The following RFX7 variants were observed in gnomAD, a reference collection of about 807,000 sequenced individuals.
RFX7 encodes the protein DNA-binding protein RFX7.
A neutral mutation model predicts 111.8 loss-of-function variants in RFX7; 26 were observed. The observed-to-expected ratio is 0.23, with a 90% confidence interval of 0.17 to 0.32. The LOEUF is 0.32. Among genes scored for constraint, RFX7 ranks in the 10% least tolerant of loss-of-function variants. RFX7 has a pLI of 1.00. For missense variants in RFX7, 1,573 were observed against 1,772.9 expected, an observed-to-expected ratio of 0.89 and a Z score of 2.02; for synonymous variants, 624 against 624.4, an observed-to-expected ratio of 1.00 and a Z score of 0.01.
At chr15:56,172,636 A>G (rs2042857696) in intron 3 of RFX7, among the ~76,000 whole-genome samples, 1 of 152,202 alleles carries the variant, frequency 6.6e-6, no homozygotes, top group African/African-American at 2.4e-5. Context: ...CAAGAAATGT[A>G]TTAATTTGGT....
chr15:56,217,753 A>G (rs530771368), intron 2 of RFX7, among the ~76,000 whole-genome samples: 1 of 152,306 alleles, frequency 6.6e-6, no homozygotes, highest in South Asian at 2.1e-4. Context: ...CACAGTTTTA[A>G]TGATATGCAT....
At chr15:56,220,231 A>G (rs1041114134) in intron 2 of RFX7, among the ~76,000 whole-genome samples, 6 of 151,696 alleles carry the variant, frequency 4.0e-5, no homozygotes, top group African/African-American at 1.5e-4. Flanking sequence ...ATTTTATTTC[A>G]TTTTATTTAT....
At chr15:56,118,382 G>T (rs1333331710) in intron 5 of RFX7, among the ~76,000 whole-genome samples, 1 of 151,806 alleles carries the variant, frequency 6.6e-6, no homozygotes, top group Non-Finnish European at 1.5e-5. Context: ...TCATCCTACT[G>T]TATCTCCATG....
At chr15:56,124,440 C>T (rs2042116954) in intron 5 of RFX7, among the ~76,000 whole-genome samples, 2 of 150,624 alleles carry the variant, frequency 1.3e-5, no homozygotes, top group Admixed American at 1.3e-4. Flanking sequence ...AAAAAAAAAT[C>T]CATACTGTTC....
At chr15:56,139,348 CG>C (rs2042353709) in intron 5 of RFX7, among the ~76,000 whole-genome samples, 2 of 152,128 alleles carry the variant, frequency 1.3e-5, no homozygotes, top group African/African-American at 2.4e-5. Flanking sequence ...ATTCCCTTCT[CG>C]CTTCATTTCA....
chr15:56,103,402 A>T (rs1183034161), intron 6 of RFX7, 152 bp downstream of exon 6: 1 of 567,830 alleles, frequency 1.8e-6, no homozygotes, highest in Non-Finnish European at 3.2e-6. Flanking sequence ...TACCTGTGAA[A>T]GTTACATTTG....
At chr15:56,132,027 C>T (rs572162837) in intron 5 of RFX7, among the ~76,000 whole-genome samples, 19 of 150,940 alleles carry the variant, frequency 1.3e-4, no homozygotes, top group African/African-American at 2.4e-4. Context: ...TAGAAATTAC[C>T]GAGGATTATG....
chr15:56,146,080 T>C lies in RFX7; in HGVS notation c.196-1597A>G, dbSNP rs535189237. ...TCACCCCACTTTAATGTCTTAAATA[T>C]GGTTCCTGAAATTTTTTTTTGTCAA... is the stretch of plus-strand genomic sequence containing the variant. On this transcript the variant is annotated intron_variant, in intron 3 of 9. Coordinates refer to ENST00000559447, the MANE Select transcript of RFX7 (RefSeq NM_022841.7). Among the ~76,000 whole-genome samples the C allele has an allele frequency of 2.6e-5, 4 of 152,244 alleles. No homozygotes were observed. In the East Asian group the frequency reaches 7.7e-4, roughly 29 times the overall value.
intron 3 of RFX7, among the ~76,000 whole-genome samples, chr15:56,150,725 C>CT (rs1440843459): frequency 2.0e-5 from 3 of 152,190 alleles, no homozygotes. Flanking sequence ...GTTTGAAGAA[C>CT]TGACAAAAGT....
chr15:56,090,376 T>G lies in RFX7; in HGVS notation c.*2969A>C, dbSNP rs2041581943. The G allele has an allele frequency of 6.6e-6, 1 of 152,236 alleles. No homozygotes were observed. The highest frequency in any genetic ancestry group is 1.5e-5 in the Non-Finnish European group (1 of 68,010). 9.4% of individuals were successfully genotyped at this position (152,236 alleles called of 1,614,324 possible). A position where few individuals can be genotyped will look rare whatever the true frequency, so the allele number is the denominator to read the frequency against. On this transcript the variant is annotated 3_prime_UTR_variant, in exon 10 of 10. Coordinates refer to ENST00000559447, the MANE Select transcript of RFX7 (RefSeq NM_022841.7). ...ACTAAGATCTGTGTATTCTTCTGGA[T>G]TAATAGCACACAGCAGATCAGCAGC... is the stretch of plus-strand genomic sequence containing the variant.
chr15:56,179,092 G>A (rs1413205418), intron 3 of RFX7, 178 bp downstream of exon 3: 3 of 233,102 alleles, frequency 1.3e-5, no homozygotes, highest in African/African-American at 4.8e-5. Context: ...ATGAGATACA[G>A]GTAAGTATCT....
Position 56,181,870 on chromosome 15 carries a change from G to A in RFX7, c.162-2567C>T, listed in dbSNP as rs542842760. Among the ~76,000 whole-genome samples, 25 of 152,230 alleles carry A rather than the reference G, an allele frequency of 1.6e-4. No homozygotes were observed. The East Asian group carries it at 2.9e-3, about 18-fold the overall frequency. ...CTGTTAGGAACGGGGCCACACAGCA[G>A]GAGGTGAGCAACCAAGCGCATTACT... On this transcript the variant is annotated intron_variant, in intron 2 of 9. Coordinates refer to ENST00000559447, the MANE Select transcript of RFX7 (RefSeq NM_022841.7).
At chr15:56,189,455 T>TAA (rs368339215) in intron 2 of RFX7, among the ~76,000 whole-genome samples, 3 of 144,608 alleles carry the variant, frequency 2.1e-5, no homozygotes, top group Admixed American at 1.4e-4. Context: ...ATTAAGACAG[T>TAA]AAAAAAAAAA....
chr15:56,093,964 C>G lies in RFX7; in HGVS notation c.3764G>C (p.Ser1255Thr). The G allele has an allele frequency of 6.2e-7, 1 of 1,613,950 alleles. No homozygotes were observed. The highest frequency in any genetic ancestry group is 8.5e-7 in the Non-Finnish European group (1 of 1,179,876). ...NSKKITNVLL[S>T]KLDSDNDDAV... The stretch of plus-strand genomic sequence containing the variant: ...ATCATCATTGTCGGAATCAAGTTTA[C>G]TCAACAAAACATTGGTTATTTTTTT... Residue 1255 changes from serine to threonine, a missense_variant, in exon 10 of 10, where the codon AGT becomes ACT. Ser to Thr is a moderately conservative substitution (Grantham distance 58). Coordinates refer to ENST00000559447, the MANE Select transcript of RFX7 (RefSeq NM_022841.7).
At position 56,096,157 on chromosome 15, in the gene RFX7, G is replaced by T. The variant is rs978977827; in HGVS notation, c.1571C>A (p.Ser524Tyr). 6.2e-7 allele frequency: 1 copy of T among 1,613,834 alleles called. No homozygotes were observed. Among genetic ancestry groups the T allele is most frequent in the Admixed American group, 1.7e-5 (1 of 59,996 alleles). The change falls in exon 10 of 10, where the codon TCC (serine) becomes TAC (tyrosine). Residue 524 changes from serine to tyrosine, a missense_variant. By Grantham distance (144) the Ser-to-Tyr change is moderately radical. Coordinates refer to ENST00000559447, the MANE Select transcript of RFX7 (RefSeq NM_022841.7). The part of the protein sequence containing the change: ...GSVVSLQSPG[S>Y]RSSSAGGTSA... Reference sequence around the variant, plus strand: ...TGTTCCCCCCGCACTGCTGCTCCTGGACCCAGGAGACTGAAGCGACACGAC... The same window carrying T: ...TGTTCCCCCCGCACTGCTGCTCCTGTACCCAGGAGACTGAAGCGACACGAC...
At chr15:56,160,257 CA>C (rs1354450794) in intron 3 of RFX7, among the ~76,000 whole-genome samples, 1 of 151,692 alleles carries the variant, frequency 6.6e-6, no homozygotes, top group African/African-American at 2.4e-5. Flanking sequence ...GCCAGGTTGA[CA>C]ATAAATGAGT....
chr15:56,219,811 T>C (rs2043404869), intron 2 of RFX7, among the ~76,000 whole-genome samples: 1 of 152,240 alleles, frequency 6.6e-6, no homozygotes, highest in Non-Finnish European at 1.5e-5. Context: ...TTGTGAATAG[T>C]GCTGCAGTGA....
chr15:56,222,094 A>C (rs139224986), intron 2 of RFX7, among the ~76,000 whole-genome samples: 3 of 152,162 alleles, frequency 2.0e-5, no homozygotes, highest in African/African-American at 7.2e-5. Flanking sequence ...TCATCTCAAA[A>C]TGTCTATTTT....
chr15:56,135,478 T>A (rs1212937474), intron 5 of RFX7, among the ~76,000 whole-genome samples: 1 of 152,090 alleles, frequency 6.6e-6, no homozygotes, highest in Non-Finnish European at 1.5e-5. Flanking sequence ...TTTTTTCTTG[T>A]AAATTTGTTT....
Sources: gnomAD v4.1 joint callset for allele counts (sites outside exome capture counted in the v4.1 genomes callset) on GRCh38, gnomAD v4.1.1 for gene constraint, MANE v1.5 for transcripts, NCBI Gene and HGNC (gene_info 2026-07-23, HGNC 2026-07-21) for gene names.